The following SLC25A48 variants were observed in gnomAD, a reference collection of about 807,000 sequenced individuals.
The protein encoded by SLC25A48 is CTC-321K16.1.
In SLC25A48, 29 loss-of-function variants were observed where a neutral mutation model predicts 32.2. The observed-to-expected ratio is 0.90, with a 90% confidence interval of 0.67 to 1.23. SLC25A48 has a LOEUF of 1.23. Among genes scored for constraint, SLC25A48 ranks in the 50% most tolerant of loss-of-function variants. SLC25A48 has a pLI of 0.00. For synonymous variants in SLC25A48, 164 were observed against 172.3 expected, an observed-to-expected ratio of 0.95 and a Z score of 0.38; for missense variants, 399 against 422.7, an observed-to-expected ratio of 0.94 and a Z score of 0.49.
intron 3 of SLC25A48, among the ~76,000 whole-genome samples, chr5:135,799,556 G>A (rs2046368371): frequency 6.6e-6 from 1 of 151,438 alleles, no homozygotes; most frequent in African/African-American, 2.4e-5. Context: ...CCCCCCTGTT[G>A]TATTATTCCT....
chr5:135,704,530 C>A (rs1021588317), intron 3 of SLC25A48, among the ~76,000 whole-genome samples: 1 of 152,162 alleles, frequency 6.6e-6, no homozygotes, highest in Admixed American at 6.5e-5. Context: ...TGGCCAGTTA[C>A]TTTATGGGAC....
chr5:135,742,379 C>T (rs1421520357), intron 3 of SLC25A48: 2 of 1,139,290 alleles, frequency 1.8e-6, no homozygotes, highest in Non-Finnish European at 2.3e-6. Context: ...CCACACCTGG[C>T]CTAGGAATCC....
chr5:135,697,057 C>A (rs937839365), intron 3 of SLC25A48, among the ~76,000 whole-genome samples: 7 of 152,104 alleles, frequency 4.6e-5, no homozygotes, highest in African/African-American at 1.7e-4. Flanking sequence ...TTGTCTGTAG[C>A]ATGTACTCTA....
chr5:135,882,260 C>T (rs946549720), intron 7 of SLC25A48, among the ~76,000 whole-genome samples: 2 of 152,240 alleles, frequency 1.3e-5, no homozygotes, highest in Admixed American at 6.5e-5. Context: ...AAGTCTTGCC[C>T]ATGGCATTCA....
chr5:135,834,193 T>C (rs79708976), upstream of SLC25A48, among the ~76,000 whole-genome samples: 583 of 152,296 alleles, frequency 3.8e-3, 2 homozygotes, highest in Non-Finnish European at 6.2e-3. Context: ...CTCTGCCTTC[T>C]GTTGGCCCAG....
chr5:135,665,707 G>T (rs1421002861), intron 3 of SLC25A48, among the ~76,000 whole-genome samples: 1 of 150,814 alleles, frequency 6.6e-6, no homozygotes, highest in Non-Finnish European at 1.5e-5. Context: ...GTTTTTGTAT[G>T]CTTTGATAAA....
chr5:135,793,279 G>A (rs1326357249), intron 3 of SLC25A48, among the ~76,000 whole-genome samples: 1 of 149,546 alleles, frequency 6.7e-6, no homozygotes, highest in African/African-American at 2.5e-5. Flanking sequence ...TACAATATTT[G>A]TGTACCACCT....
chr5:135,628,260 G>A (rs372894647), intron 1 of SLC25A48, among the ~76,000 whole-genome samples: 1 of 152,148 alleles, frequency 6.6e-6, no homozygotes, highest in Non-Finnish European at 1.5e-5. Flanking sequence ...CTATGCCTTA[G>A]TAAAGACTCC....
At chr5:135,665,765 G>GGAA (rs1554120024) in intron 3 of SLC25A48, among the ~76,000 whole-genome samples, 1 of 148,194 alleles carries the variant, frequency 6.7e-6, no homozygotes, top group South Asian at 2.1e-4. Flanking sequence ...TATTCTTTTT[G>GGAA]AAAAAAAAAA....
intron 3 of SLC25A48, among the ~76,000 whole-genome samples, chr5:135,642,248 A>G (rs1347658814): frequency 1.3e-5 from 2 of 152,172 alleles, no homozygotes; most frequent in African/African-American, 4.8e-5. Flanking sequence ...GGCTTCTCTG[A>G]TGGTGCTGAT....
intron 1 of SLC25A48, among the ~76,000 whole-genome samples, chr5:135,628,412 G>A (rs1414325519): frequency 6.6e-6 from 1 of 152,116 alleles, no homozygotes; most frequent in Non-Finnish European, 1.5e-5. Flanking sequence ...ATCCTCTGAT[G>A]GACTCTACTT....
At chr5:135,584,559 G>T (rs1026772387) in intron 1 of SLC25A48, among the ~76,000 whole-genome samples, 6 of 152,202 alleles carry the variant, frequency 3.9e-5, no homozygotes, top group Non-Finnish European at 4.4e-5. Context: ...CTATCAATTG[G>T]TACAAAATTT....
Position 135,645,174 on chromosome 5 carries a change from C to T in SLC25A48, c.-521+10218C>T, listed in dbSNP as rs1336029925. Among the ~76,000 whole-genome samples the T allele has an allele frequency of 1.3e-5, 2 of 152,186 alleles. 1 individual carries two copies. The highest frequency in any genetic ancestry group is 1.3e-4 in the Admixed American group (2 of 15,282). On this transcript the variant is annotated intron_variant, in intron 3 of 10. Transcript: ENST00000646290. The stretch of plus-strand genomic sequence containing the variant: ...AGTAAGGACTTGTGGACAGTTTTCC[C>T]TTTGGTTGTTCACTTCTTTTGCATT...
intron 4 of SLC25A48, among the ~76,000 whole-genome samples, chr5:135,829,003 G>A (rs1460937131): frequency 6.6e-6 from 1 of 152,138 alleles, no homozygotes; most frequent in Non-Finnish European, 1.5e-5. Flanking sequence ...AGACTTCTGG[G>A]TTCTGCCCTC....
chr5:135,787,223 T>C (rs34951491), intron 3 of SLC25A48, among the ~76,000 whole-genome samples: 37,488 of 152,008 alleles, frequency 0.25, 5,022 homozygotes, highest in East Asian at 0.44. Flanking sequence ...GTGTTCACCC[T>C]GTGATACTAT....
Position 135,624,209 on chromosome 5 carries a change from G to A in SLC25A48, c.-848-5028G>A, listed in dbSNP as rs141792021. 5.9e-3 allele frequency among the ~76,000 whole-genome samples: 904 copies of A among 152,312 alleles called. 11 individuals are homozygous for A. Among genetic ancestry groups the A allele is most frequent in the African/African-American group, 0.02 (851 of 41,570 alleles). On this transcript the variant is annotated intron_variant, in intron 1 of 10. Transcript: ENST00000646290. ...GGTGGATGAGGCATCCTGAGAACCT[G>A]GGAACCATAGCGCAGTGATGGGGTG...
intron 3 of SLC25A48, among the ~76,000 whole-genome samples, chr5:135,765,737 C>T (rs1022665702): frequency 6.6e-6 from 1 of 151,350 alleles, no homozygotes; most frequent in Non-Finnish European, 1.5e-5. Context: ...AGAGGGTGTA[C>T]ACCTACCTGT....
intron 7 of SLC25A48, among the ~76,000 whole-genome samples, chr5:135,885,821 C>G (rs1229842704): frequency 3.3e-5 from 5 of 152,300 alleles, no homozygotes; most frequent in African/African-American, 1.2e-4. Context: ...GTTGAACAAA[C>G]AGCCACTAAA....
chr5:135,867,247 G>T (rs1432918217), intron 4 of SLC25A48, among the ~76,000 whole-genome samples: 1 of 152,182 alleles, frequency 6.6e-6, no homozygotes, highest in Non-Finnish European at 1.5e-5. Flanking sequence ...AATGGGCTGG[G>T]AGTTGGCAGT....
Sources: allele counts gnomAD v4.1 joint callset (sites outside exome capture counted in the v4.1 genomes callset), GRCh38; gene constraint gnomAD v4.1.1; transcripts MANE v1.5; gene names NCBI Gene and HGNC (gene_info 2026-07-23, HGNC 2026-07-21).